Variants in TBC1D5 observed in about 807,000 individuals in gnomAD.
TBC1D5 encodes TBC1 domain family, member 5.
In TBC1D5, 75 loss-of-function variants were observed where a neutral mutation model predicts 100.3. The ratio of observed to expected loss-of-function variants is 0.75; its 90% CI spans 0.62 to 0.91. TBC1D5 has a LOEUF of 0.91. TBC1D5 is among the 40% of genes least tolerant of loss of function. The probability of loss-of-function intolerance (pLI) is 0.00; values close to 1 mark genes in which losing one functional copy is unlikely to be tolerated. For missense variants in TBC1D5, 910 were observed against 942.4 expected, an observed-to-expected ratio of 0.97 and a Z score of 0.45; for synonymous variants, 323 against 325.6, an observed-to-expected ratio of 0.99 and a Z score of 0.09.
chr3:17,598,165 G>C (rs973307757), intron 2 of TBC1D5, among the ~76,000 whole-genome samples: 1 of 152,146 alleles, frequency 6.6e-6, no homozygotes, highest in African/African-American at 2.4e-5. Flanking sequence ...TTTCCCTAAA[G>C]AAGCTGCAGA....
At chr3:17,542,341 T>C (rs1437254324) in intron 2 of TBC1D5, among the ~76,000 whole-genome samples, 1 of 152,122 alleles carries the variant, frequency 6.6e-6, no homozygotes, top group Non-Finnish European at 1.5e-5. Context: ...TAGAATAAGA[T>C]ATGTGAATGT....
chr3:17,550,784 A>G (rs1472301911), intron 2 of TBC1D5, among the ~76,000 whole-genome samples: 3 of 152,172 alleles, frequency 2.0e-5, no homozygotes, highest in Admixed American at 2.0e-4. Flanking sequence ...AAGCACTTAC[A>G]TATCTGTGAA....
intron 3 of TBC1D5, chr3:17,465,006 T>C (rs1320973311): frequency 6.6e-6 from 1 of 151,910 alleles, no homozygotes; most frequent in Non-Finnish European, 1.5e-5. Flanking sequence ...GACCACTTCT[T>C]CTCTACTGTC....
chr3:17,504,015 T>C (rs1158051705), intron 3 of TBC1D5, among the ~76,000 whole-genome samples: 2 of 149,038 alleles, frequency 1.3e-5, no homozygotes, highest in Non-Finnish European at 2.9e-5. Context: ...GAACAGAGGA[T>C]AAAACAGGAG....
intron 15 of TBC1D5, among the ~76,000 whole-genome samples, chr3:17,271,969 G>C (rs2079473241): frequency 6.6e-6 from 1 of 152,132 alleles, no homozygotes; most frequent in South Asian, 2.1e-4. Context: ...AAATCTTAAA[G>C]GCAGCTAGAG....
chr3:17,581,122 T>A (rs1378807552), intron 2 of TBC1D5, among the ~76,000 whole-genome samples: 1 of 152,166 alleles, frequency 6.6e-6, no homozygotes, highest in Non-Finnish European at 1.5e-5. Flanking sequence ...TGAGATCTCA[T>A]GGTTTCATAA....
intron 1 of TBC1D5, among the ~76,000 whole-genome samples, chr3:17,718,016 T>C (rs577789205): frequency 1.0e-3 from 154 of 152,086 alleles, no homozygotes; most frequent in Non-Finnish European, 1.7e-3. Context: ...TCCTTCCTCT[T>C]CTCCGTACTG....
intron 1 of TBC1D5, among the ~76,000 whole-genome samples, chr3:17,650,082 G>A (rs964655004): frequency 2.6e-5 from 4 of 151,868 alleles, no homozygotes; most frequent in South Asian, 2.1e-4. Context: ...TCATAAGTGG[G>A]AGTTAAACAA....
intron 2 of TBC1D5, among the ~76,000 whole-genome samples, chr3:17,545,616 T>A (rs1186933124): frequency 2.0e-5 from 3 of 152,224 alleles, no homozygotes; most frequent in African/African-American, 7.2e-5. Context: ...CAATGACTTA[T>A]TATATAAGAA....
chr3:17,684,079 T>C (rs1010304254), intron 1 of TBC1D5, among the ~76,000 whole-genome samples: 5 of 152,046 alleles, frequency 3.3e-5, no homozygotes, highest in African/African-American at 1.2e-4. Context: ...GGAAGCTTTT[T>C]TTTCTTTCTT....
chr3:17,734,511 AAC>A (rs1413398572), intron 1 of TBC1D5, among the ~76,000 whole-genome samples: 1 of 152,208 alleles, frequency 6.6e-6, no homozygotes, highest in Non-Finnish European at 1.5e-5. Flanking sequence ...AAAGTACGAA[AAC>A]AGTTGAAAAA....
upstream of TBC1D5, among the ~76,000 whole-genome samples, chr3:17,741,800 A>ATTTTTTTTT (rs779385615): frequency 1.5e-4 from 7 of 47,958 alleles, no homozygotes; most frequent in Admixed American, 2.8e-4. Context: ...CTCCCTGCGA[A>ATTTTTTTTT]TTTTTTTTTT....
At chr3:17,408,151 T>C (rs186771056) in intron 4 of TBC1D5, among the ~76,000 whole-genome samples, 2 of 151,926 alleles carry the variant, frequency 1.3e-5, no homozygotes, top group East Asian at 3.9e-4. Flanking sequence ...ATGGGCAAAT[T>C]TCTTAACCTC....
At chr3:17,508,000 C>T (rs1481870602) in intron 3 of TBC1D5, among the ~76,000 whole-genome samples, 2 of 147,770 alleles carry the variant, frequency 1.4e-5, no homozygotes, top group South Asian at 2.1e-4. Context: ...AAATATAACA[C>T]AAATTTCAAT....
In TBC1D5 at chr3:17,185,108, C is replaced by T; in HGVS notation, c.1852+1G>A. Reference sequence around the variant, plus strand: ...TCCCAGGGCCAAAGTAATTCACTTACCAAGATGAGTGTCCATCACCTTTGC... The same window carrying T: ...TCCCAGGGCCAAAGTAATTCACTTATCAAGATGAGTGTCCATCACCTTTGC... On this transcript the variant is annotated splice_donor_variant, in intron 19 of 21. Transcript: ENST00000253692. LOFTEE classifies it high-confidence loss of function. 6.2e-7 allele frequency: 1 copy of T among 1,610,524 alleles called. No homozygotes were observed.
intron 3 of TBC1D5, among the ~76,000 whole-genome samples, chr3:17,447,096 G>A (rs2094816852): frequency 6.6e-6 from 1 of 152,098 alleles, no homozygotes; most frequent in Non-Finnish European, 1.5e-5. Context: ...TACTGTCAAG[G>A]CCAGATAAAA....
At chr3:17,577,655 A>C (rs2153524103) in intron 2 of TBC1D5, among the ~76,000 whole-genome samples, 1 of 152,140 alleles carries the variant, frequency 6.6e-6, no homozygotes, top group Admixed American at 6.6e-5. Flanking sequence ...AAAGGTTATT[A>C]TATTCACTAC....
chr3:17,535,447 T>G (rs1285266324), intron 2 of TBC1D5, among the ~76,000 whole-genome samples: 1 of 152,174 alleles, frequency 6.6e-6, no homozygotes, highest in Non-Finnish European at 1.5e-5. Context: ...AATGTTCCCT[T>G]GCATGGGAAA....
rs139603342 is a variant in TBC1D5, at chr3:17,214,335, C to T, written c.1624G>A (p.Val542Ile). The change falls in exon 18 of 22, where the codon GTT becomes ATT. Residue 542 changes from valine to isoleucine, a missense_variant. By Grantham distance (29) the Val-to-Ile change is conservative. Transcript: ENST00000253692. ...TCTCTTCCTCCAGGCAAACTCTCAACGCTTGGAGATGAACTGATGTTTTTA... is the reference window on the plus strand; with the variant it reads ...TCTCTTCCTCCAGGCAAACTCTCAATGCTTGGAGATGAACTGATGTTTTTA... 3.3e-4 allele frequency: 530 copies of T among 1,613,082 alleles called. No homozygotes were observed. The highest frequency in any genetic ancestry group is 1.8e-3 in the Middle Eastern group (11 of 6,052).
Sources: gnomAD v4.1 joint callset for allele counts (sites outside exome capture counted in the v4.1 genomes callset) on GRCh38, gnomAD v4.1.1 for gene constraint, MANE v1.5 for transcripts, NCBI Gene and HGNC (gene_info 2026-07-23, HGNC 2026-07-21) for gene names.